Variants in ZNF804B observed in about 807,000 individuals in gnomAD.
ZNF804B encodes the protein zinc finger protein 804B.
A neutral mutation model predicts 101.4 loss-of-function variants in ZNF804B; 80 were observed. The observed-to-expected ratio is 0.79, with a 90% CI of 0.66 to 0.95. The LOEUF is 0.95. Ranked by LOEUF, ZNF804B falls within the 40% of genes least tolerant of loss-of-function variation. The pLI, the probability that ZNF804B is intolerant of heterozygous loss-of-function variation, is 0.00. For synonymous variants in ZNF804B, 622 were observed against 558.8 expected (o/e 1.11, Z -1.59); for missense variants, 1,673 against 1,561.9 (o/e 1.07, Z -1.20).
intron 1 of ZNF804B, among the ~76,000 whole-genome samples, chr7:88,914,936 C>A (rs1256801583): frequency 6.6e-6 from 1 of 152,104 alleles, no homozygotes; most frequent in Non-Finnish European, 1.5e-5. Context: ...TAAGGCGTTT[C>A]TAATTTGGAA....
At chr7:88,951,550 C>T (rs1793223950) in intron 1 of ZNF804B, among the ~76,000 whole-genome samples, 1 of 151,886 alleles carries the variant, frequency 6.6e-6, no homozygotes, top group Non-Finnish European at 1.5e-5. Flanking sequence ...TTGATAATAT[C>T]TCCAAAAAAC....
intron 1 of ZNF804B, among the ~76,000 whole-genome samples, chr7:89,143,704 A>G (rs973819042): frequency 9.2e-5 from 14 of 151,982 alleles, no homozygotes; most frequent in African/African-American, 3.4e-4. Context: ...ATTTGTTCTG[A>G]TAGGAACTCT....
At chr7:88,768,979 A>G (rs1790024492) in intron 1 of ZNF804B, among the ~76,000 whole-genome samples, 1 of 152,118 alleles carries the variant, frequency 6.6e-6, no homozygotes, top group Non-Finnish European at 1.5e-5. Flanking sequence ...GGTTCCTAAT[A>G]TGGTGTTTTG....
At chr7:89,229,293 T>C (rs1789150816) in intron 2 of ZNF804B, among the ~76,000 whole-genome samples, 1 of 152,098 alleles carries the variant, frequency 6.6e-6, no homozygotes, top group African/African-American at 2.4e-5. Context: ...CACCTCTCAA[T>C]AGTTCACAAA....
At chr7:88,978,343 A>G (rs1793647225) in intron 1 of ZNF804B, among the ~76,000 whole-genome samples, 1 of 151,780 alleles carries the variant, frequency 6.6e-6, no homozygotes, top group African/African-American at 2.4e-5. Context: ...CTATTATTGT[A>G]CTGGGGTTTA....
chr7:88,953,524 C>T (rs938493489), intron 1 of ZNF804B, among the ~76,000 whole-genome samples: 16 of 151,716 alleles, frequency 1.1e-4, no homozygotes, highest in African/African-American at 3.9e-4. Flanking sequence ...AACCTCCGAG[C>T]ACTGTGATAT....
intron 1 of ZNF804B, among the ~76,000 whole-genome samples, chr7:89,003,440 T>C (rs1422692061): frequency 6.6e-6 from 1 of 151,998 alleles, no homozygotes; most frequent in African/African-American, 2.4e-5. Context: ...ACTTGCCCAA[T>C]GTATGTAAGA....
chr7:89,285,400 G>A (rs1200898667), intron 2 of ZNF804B, among the ~76,000 whole-genome samples: 5 of 150,896 alleles, frequency 3.3e-5, no homozygotes, highest in Admixed American at 6.6e-5. Flanking sequence ...GCGGGTGCCT[G>A]TAGTCCTAGC....
chr7:88,963,891 A>T (rs1404502223), intron 1 of ZNF804B, among the ~76,000 whole-genome samples: 1 of 151,444 alleles, frequency 6.6e-6, no homozygotes, highest in Non-Finnish European at 1.5e-5. Context: ...TCTCTAAAAA[A>T]GATAAATGCC....
rs139140065 is a variant in ZNF804B, at chr7:88,965,337, A to G, written c.108+205253A>G. ...CTCTTTGTTTTGGAAGCTGGAATCA[A>G]TGGAATTTCTCAACCCTGTTATTTT... On this transcript the variant is annotated intron_variant, in intron 1 of 3. Coordinates refer to ENST00000333190, the MANE Select transcript of ZNF804B (RefSeq NM_181646.5). 8.7e-3 allele frequency among the ~76,000 whole-genome samples: 1,312 copies of G among 151,496 alleles called. 13 individuals carry two copies. The highest frequency in any genetic ancestry group is 0.013 in the Non-Finnish European group (883 of 67,608).
intron 1 of ZNF804B, among the ~76,000 whole-genome samples, chr7:89,099,654 T>G (rs1790025305): frequency 6.6e-6 from 1 of 152,142 alleles, no homozygotes; most frequent in Admixed American, 6.6e-5. Flanking sequence ...ATTTGGGGGT[T>G]TTTAGAGCTC....
At chr7:89,077,125 G>A (rs1287149825) in intron 1 of ZNF804B, among the ~76,000 whole-genome samples, 1 of 66,380 alleles carries the variant, frequency 1.5e-5, no homozygotes, top group Admixed American at 1.4e-4. Context: ...ATAATGGTCA[G>A]TAATCAATCC....
intron 1 of ZNF804B, among the ~76,000 whole-genome samples, chr7:88,954,896 G>T (rs1324013688): frequency 2.6e-5 from 4 of 151,560 alleles, no homozygotes; most frequent in Non-Finnish European, 4.4e-5. Flanking sequence ...TAAGAATTAC[G>T]TGAGTCTGAC....
chr7:89,283,962 G>A (rs1419697247), intron 2 of ZNF804B, among the ~76,000 whole-genome samples: 2 of 152,034 alleles, frequency 1.3e-5, no homozygotes, highest in South Asian at 2.1e-4. Context: ...TGTCATAAAT[G>A]CATAAAATAC....
chr7:88,928,752 T>G (rs976678710), intron 1 of ZNF804B, among the ~76,000 whole-genome samples: 2 of 152,300 alleles, frequency 1.3e-5, no homozygotes, highest in East Asian at 3.9e-4. Context: ...AGAAGAAAAG[T>G]GTTCTGTAAT....
intron 1 of ZNF804B, among the ~76,000 whole-genome samples, chr7:89,158,048 A>G (rs980019739): frequency 3.3e-5 from 5 of 152,106 alleles, no homozygotes; most frequent in Non-Finnish European, 7.4e-5. Flanking sequence ...AAGCCTCATA[A>G]GCGCTGTTTT....
intron 1 of ZNF804B, among the ~76,000 whole-genome samples, chr7:88,850,378 C>T (rs1791435136): frequency 6.6e-6 from 1 of 152,066 alleles, no homozygotes; most frequent in Non-Finnish European, 1.5e-5. Flanking sequence ...GAGAGACACA[C>T]AGACAGAAAC....
intron 1 of ZNF804B, among the ~76,000 whole-genome samples, chr7:89,078,944 T>C (rs1789654611): frequency 6.6e-6 from 1 of 152,088 alleles, no homozygotes. Context: ...CAATTGTTTA[T>C]TACGGAAATT....
At chr7:89,312,865 A>G (rs891050641) in intron 2 of ZNF804B, among the ~76,000 whole-genome samples, 3 of 152,176 alleles carry the variant, frequency 2.0e-5, no homozygotes, top group South Asian at 2.1e-4. Flanking sequence ...GAAAATAAAG[A>G]AAGTCCCATT....
Sources: allele counts gnomAD v4.1 joint callset (sites outside exome capture counted in the v4.1 genomes callset), GRCh38; gene constraint gnomAD v4.1.1; transcripts MANE v1.5; gene names NCBI Gene and HGNC (gene_info 2026-07-23, HGNC 2026-07-21).